Variants in IFT56 observed in about 807,000 individuals in gnomAD.
IFT56 encodes the protein intraflagellar transport 56, also known as intraflagellar transport protein 56.
chr7:139,190,078 A>G, the IFT56 span: 1 of 152,254 alleles, frequency 6.6e-6, no homozygotes, highest in African/African-American at 2.4e-5. Context: ...GGTGAGTACT[A>G]TGAAAAAAAT....
At chr7:139,159,945 A>C in the IFT56 span, among the ~76,000 whole-genome samples, 2 of 152,168 alleles carry the variant, frequency 1.3e-5, no homozygotes, top group African/African-American at 4.8e-5. Flanking sequence ...TTTCTGTTTT[A>C]ATTTCTGATA....
the IFT56 span, among the ~76,000 whole-genome samples, chr7:139,172,296 A>G: frequency 6.6e-6 from 1 of 152,206 alleles, no homozygotes; most frequent in East Asian, 1.9e-4. Flanking sequence ...CCTGCACAGT[A>G]GCAAGTGTTG....
chr7:139,178,461 G>T, the IFT56 span: 2 of 1,546,398 alleles, frequency 1.3e-6, no homozygotes, highest in South Asian at 2.2e-5. Flanking sequence ...ATAACTGATG[G>T]TTATATTTTA....
At chr7:139,165,001 T>C in the IFT56 span, 2 of 586,336 alleles carry the variant, frequency 3.4e-6, no homozygotes, top group South Asian at 2.8e-5. Flanking sequence ...GTTCTCAATA[T>C]ATCAACTGAT....
At chr7:139,140,954 T>TTTTTTTTTTTATTTTTTTTTTA in the IFT56 span, among the ~76,000 whole-genome samples, 1 of 150,120 alleles carries the variant, frequency 6.7e-6, no homozygotes, top group African/African-American at 2.5e-5. Flanking sequence ...TTGAAGACTT[T>TTTTTTTTTTTATTTTTTTTTTA]TTTTTTTTTT....
the IFT56 span, among the ~76,000 whole-genome samples, chr7:139,177,077 T>G: frequency 1.3e-5 from 2 of 149,562 alleles, no homozygotes; most frequent in Non-Finnish European, 3.0e-5. Flanking sequence ...GAGGCTGAGG[T>G]AGGAGAATCA....
chr7:139,141,369 T>A, the IFT56 span, among the ~76,000 whole-genome samples: 10 of 151,916 alleles, frequency 6.6e-5, no homozygotes, highest in Non-Finnish European at 1.0e-4. Context: ...GTTCAAGCCA[T>A]CCTCCAGCCC....
the IFT56 span, among the ~76,000 whole-genome samples, chr7:139,187,100 C>CAAA: frequency 3.0e-3 from 152 of 51,342 alleles, 6 homozygotes; most frequent in African/African-American, 8.3e-3. Context: ...GACTCCGTCT[C>CAAA]AAAAAAAAAA....
At chr7:139,183,618 G>T in the IFT56 span, among the ~76,000 whole-genome samples, 1 of 151,602 alleles carries the variant, frequency 6.6e-6, no homozygotes, top group Non-Finnish European at 1.5e-5. Flanking sequence ...ACCCAATTAT[G>T]TGTTCTCAAC....
chr7:139,165,301 G>T, the IFT56 span: 1 of 1,047,786 alleles, frequency 9.5e-7, no homozygotes, highest in Non-Finnish European at 1.4e-6. Context: ...ATGTCTGATG[G>T]AACTATTTGC....
the IFT56 span, chr7:139,173,578 C>A: frequency 1.2e-6 from 1 of 817,578 alleles, no homozygotes. Flanking sequence ...GTAAAACCAA[C>A]AGGAGAGTGT....
At chr7:139,139,569 G>A in the IFT56 span, among the ~76,000 whole-genome samples, 1 of 152,270 alleles carries the variant, frequency 6.6e-6, no homozygotes, top group South Asian at 2.1e-4. Flanking sequence ...TTCTTAAAGG[G>A]TATCTTGTAT....
At chr7:139,143,469 T>C in the IFT56 span, among the ~76,000 whole-genome samples, 4 of 152,140 alleles carry the variant, frequency 2.6e-5, no homozygotes, top group African/African-American at 9.7e-5. Context: ...AAAATTTCTC[T>C]TTGTCATATT....
chr7:139,166,457 T>C, the IFT56 span, among the ~76,000 whole-genome samples: 2 of 152,030 alleles, frequency 1.3e-5, no homozygotes, highest in Non-Finnish European at 1.5e-5. Flanking sequence ...ACCTCTTTTT[T>C]GTTCCTGAAA....
chr7:139,178,321 A>G, the IFT56 span: 4 of 1,581,564 alleles, frequency 2.5e-6, no homozygotes, highest in East Asian at 2.2e-5. Flanking sequence ...AGAATTATCT[A>G]TAAGACTTTA....
the IFT56 span, chr7:139,191,491 C>T: frequency 6.6e-6 from 1 of 152,126 alleles, no homozygotes; most frequent in East Asian, 1.9e-4. Flanking sequence ...TGCCTATAGT[C>T]AAAAAGCTTT....
At chr7:139,167,262 G>A in the IFT56 span, among the ~76,000 whole-genome samples, 12 of 152,196 alleles carry the variant, frequency 7.9e-5, no homozygotes, top group East Asian at 3.9e-4. Context: ...CCATTGGATC[G>A]TTAACTCCTT....
At chr7:139,162,055 T>C in the IFT56 span, among the ~76,000 whole-genome samples, 1 of 152,128 alleles carries the variant, frequency 6.6e-6, no homozygotes, top group Non-Finnish European at 1.5e-5. Flanking sequence ...GAAATAAATA[T>C]TGTAGAATGG....
At chr7:139,142,268 G>A in the IFT56 span, 110 of 1,613,710 alleles carry the variant, frequency 6.8e-5, 1 homozygote, top group Non-Finnish European at 8.4e-5. Flanking sequence ...TCAAAAAGCC[G>A]ACTCCAAAAC....
Sources: gnomAD v4.1 joint callset for allele counts (sites outside exome capture counted in the v4.1 genomes callset) on GRCh38, gnomAD v4.1.1 for gene constraint, MANE v1.5 for transcripts, NCBI Gene and HGNC (gene_info 2026-07-23, HGNC 2026-07-21) for gene names.